NKAIN2: variants seen among roughly 807,000 people sequenced by gnomAD.
NKAIN2 encodes the protein sodium/potassium transporting ATPase interacting 2.
A neutral mutation model predicts 32.6 loss-of-function variants in NKAIN2; 14 were observed. That is an observed-to-expected ratio of 0.43 (90% CI 0.28 to 0.67). The LOEUF is 0.67. Ranked by LOEUF, NKAIN2 falls within the 30% of genes least tolerant of loss-of-function variation. NKAIN2 has a pLI of 0.17. For synonymous variants in NKAIN2, 80 were observed against 87.2 expected (o/e 0.92, Z 0.46); for missense variants, 198 against 258.3 (o/e 0.77, Z 1.60).
At chr6:124,084,648 G>A (rs922011122) in intron 1 of NKAIN2, among the ~76,000 whole-genome samples, 1 of 151,850 alleles carries the variant, frequency 6.6e-6, no homozygotes, top group Non-Finnish European at 1.5e-5. Context: ...ATCCAGGAAA[G>A]TCCGGGAAAA....
intron 3 of NKAIN2, among the ~76,000 whole-genome samples, chr6:124,534,751 G>A (rs998732174): frequency 6.6e-5 from 10 of 152,036 alleles, no homozygotes; most frequent in Admixed American, 2.6e-4. Context: ...CCTTCATGAA[G>A]CTTTCTCTTT....
At chr6:124,682,537 C>T (rs1415128783) in intron 4 of NKAIN2, among the ~76,000 whole-genome samples, 1 of 152,094 alleles carries the variant, frequency 6.6e-6, no homozygotes, top group Non-Finnish European at 1.5e-5. Flanking sequence ...CACAGGATAT[C>T]ATTATTTTAA....
At chr6:124,136,731 C>G (rs1255043206) in intron 1 of NKAIN2, among the ~76,000 whole-genome samples, 1 of 151,984 alleles carries the variant, frequency 6.6e-6, no homozygotes, top group East Asian at 1.9e-4. Context: ...TGATACATCA[C>G]ATAAACAGAA....
At chr6:123,856,631 G>A (rs1189136782) in intron 1 of NKAIN2, among the ~76,000 whole-genome samples, 1 of 152,154 alleles carries the variant, frequency 6.6e-6, no homozygotes, top group Admixed American at 6.6e-5. Flanking sequence ...AGATAAATTT[G>A]TAATGGATTG....
intron 3 of NKAIN2, among the ~76,000 whole-genome samples, chr6:124,473,331 G>C (rs1777052893): frequency 2.0e-5 from 3 of 152,086 alleles, no homozygotes; most frequent in Admixed American, 2.0e-4. Context: ...ACTTTCCTTA[G>C]ATAAAACAGA....
intron 1 of NKAIN2, among the ~76,000 whole-genome samples, chr6:124,237,865 A>G (rs569104348): frequency 6.6e-6 from 1 of 152,294 alleles, no homozygotes; most frequent in East Asian, 1.9e-4. Flanking sequence ...GGAGCACAGA[A>G]GAGCAGTTAC....
rs117779600 is a variant in NKAIN2, at chr6:123,843,928, C to T, written c.54+39674C>T. ...CAAAGTCCGGGCATGATTTTGACCT[C>T]GATCTCTGCTCCTGTGATACACTCT... On this transcript the variant is annotated intron_variant, in intron 1 of 6. Transcript: ENST00000368417. Among the ~76,000 whole-genome samples, 724 of 152,218 alleles carry T rather than the reference C, an allele frequency of 4.8e-3. 4 individuals carry two copies. The highest frequency in any genetic ancestry group is 0.015 in the Admixed American group (233 of 15,296).
chr6:124,309,441 T>A (rs956925644), intron 2 of NKAIN2, among the ~76,000 whole-genome samples: 1 of 152,148 alleles, frequency 6.6e-6, no homozygotes, highest in African/African-American at 2.4e-5. Flanking sequence ...TGAAAAAATG[T>A]AATTAGAACT....
chr6:124,199,197 G>C (rs907431667), intron 1 of NKAIN2, among the ~76,000 whole-genome samples: 3 of 152,162 alleles, frequency 2.0e-5, no homozygotes, highest in Non-Finnish European at 4.4e-5. Context: ...CTCCTAAAAA[G>C]TGTCTGGATA....
At chr6:124,276,402 A>C (rs962704467) in intron 1 of NKAIN2, among the ~76,000 whole-genome samples, 2 of 151,202 alleles carry the variant, frequency 1.3e-5, no homozygotes, top group Non-Finnish European at 3.0e-5. Context: ...TGTAACTAAA[A>C]CTCTTTAAGT....
At chr6:124,369,772 A>ATGGCTGTG (rs1799672285) in intron 3 of NKAIN2, among the ~76,000 whole-genome samples, 1 of 151,776 alleles carries the variant, frequency 6.6e-6, no homozygotes, top group East Asian at 1.9e-4. Context: ...GCTGTGTCAA[A>ATGGCTGTG]ATCACCGCCT....
intron 3 of NKAIN2, among the ~76,000 whole-genome samples, chr6:124,552,840 G>A (rs539473493): frequency 3.9e-5 from 6 of 152,288 alleles, no homozygotes; most frequent in African/African-American, 1.4e-4. Context: ...CTCCAAACTA[G>A]TACACAACTA....
intron 3 of NKAIN2, among the ~76,000 whole-genome samples, chr6:124,391,612 A>G (rs921820845): frequency 1.3e-5 from 2 of 152,140 alleles, no homozygotes; most frequent in Non-Finnish European, 2.9e-5. Flanking sequence ...GCTCTCCATC[A>G]AGTAAAAATC....
chr6:124,543,278 A>C (rs1378534183), intron 3 of NKAIN2, among the ~76,000 whole-genome samples: 1 of 152,198 alleles, frequency 6.6e-6, no homozygotes, highest in African/African-American at 2.4e-5. Flanking sequence ...GCTGTTATAC[A>C]ACTAATCCTT....
chr6:124,754,614 A>G (rs1320517205), intron 4 of NKAIN2, among the ~76,000 whole-genome samples: 3 of 152,128 alleles, frequency 2.0e-5, no homozygotes, highest in Non-Finnish European at 4.4e-5. Context: ...CAGAATGGCT[A>G]TTACTAAAAG....
intron 1 of NKAIN2, among the ~76,000 whole-genome samples, chr6:124,099,730 G>A (rs778630275): frequency 2.0e-5 from 3 of 152,070 alleles, no homozygotes; most frequent in African/African-American, 7.2e-5. Flanking sequence ...GTAGGGAGAG[G>A]TGCTCCTGGC....
chr6:124,444,814 C>CT (rs1230136002), intron 3 of NKAIN2, among the ~76,000 whole-genome samples: 9 of 151,614 alleles, frequency 5.9e-5, no homozygotes, highest in Admixed American at 2.6e-4. Flanking sequence ...ATTCAAGGAG[C>CT]TTTTTTGAAA....
intron 2 of NKAIN2, among the ~76,000 whole-genome samples, chr6:124,331,341 T>C (rs184184238): frequency 0.25 from 2,505 of 10,080 alleles, 53 homozygotes; most frequent in Non-Finnish European, 0.3. Context: ...CTCTACTAAA[T>C]ATACAAAAAA....
Position 123,911,787 on chromosome 6 carries a change from A to ACG in NKAIN2, c.54+107533_54+107534insCG, listed in dbSNP as rs200656768. 2.4e-4 allele frequency among the ~76,000 whole-genome samples: 17 copies of ACG among 71,270 alleles called. No homozygotes were observed. In the East Asian group the frequency reaches 3.9e-3, roughly 16 times the overall value. The allele number at this position is 71,270 out of a possible 152,430, so 46.8% of individuals were successfully genotyped here. A position where few individuals can be genotyped will look rare whatever the true frequency, so the allele number is the denominator to read the frequency against. On this transcript the variant is annotated intron_variant, in intron 1 of 6. Transcript: ENST00000368417. ...GTCGTATATATACATACATACATAT[A>ACG]TATATATATATATGTATATATATAT...
Sources: allele counts gnomAD v4.1 joint callset (sites outside exome capture counted in the v4.1 genomes callset), GRCh38; gene constraint gnomAD v4.1.1; transcripts MANE v1.5; gene names NCBI Gene and HGNC (gene_info 2026-07-23, HGNC 2026-07-21).